The following MANSC1 variants were observed in gnomAD, a reference collection of about 807,000 sequenced individuals.
MANSC1 encodes the protein MANSC domain-containing protein 1.
A neutral mutation model predicts 14.1 loss-of-function variants in MANSC1; 13 were observed. That is an observed-to-expected ratio of 0.92 (90% CI 0.60 to 1.46). MANSC1 has a LOEUF of 1.46. Among genes scored for constraint, MANSC1 ranks in the 40% most tolerant of loss-of-function variants. The pLI, the probability that MANSC1 is intolerant of heterozygous loss-of-function variation, is 0.00. For synonymous variants in MANSC1, 227 were observed against 200.7 expected (o/e 1.13, Z -1.11); for missense variants, 486 against 511.4 (o/e 0.95, Z 0.48).
intron 1 of MANSC1, among the ~76,000 whole-genome samples, chr12:12,346,338 CAA>C (rs1863010299): frequency 6.6e-6 from 1 of 151,818 alleles, no homozygotes; most frequent in African/African-American, 2.4e-5. Context: ...ATCAAAAGCC[CAA>C]AGTTATTTTT....
Position 12,331,878 on chromosome 12 carries a change from T to C in MANSC1, c.365-920A>G, listed in dbSNP as rs769399491. Among the ~76,000 whole-genome samples the C allele has an allele frequency of 2.0e-5, 3 of 152,102 alleles. 1 individual carries two copies. Among genetic ancestry groups the C allele is most frequent in the Admixed American group, 2.0e-4 (3 of 15,272 alleles). ...AGATTTCATTTGGACTCTCAAAGAT[T>C]AGAATTTTGGAGCCAATGTCATAGG... On this transcript the variant is annotated intron_variant, in intron 3 of 3. Transcript: ENST00000535902.
chr12:12,343,467 G>C (rs951661121), intron 1 of MANSC1, 53 bp from the exon 2 acceptor site: 4 of 578,764 alleles, frequency 6.9e-6, no homozygotes, highest in African/African-American at 1.9e-5. Context: ...AACAAACAAG[G>C]GAAGAAACAT....
intron 3 of MANSC1, 111 bp from the exon 4 acceptor site, chr12:12,331,069 T>C (rs564108406): frequency 4.1e-6 from 3 of 736,914 alleles, no homozygotes; most frequent in Admixed American, 2.7e-5. Flanking sequence ...TGGTTGGCCA[T>C]GGTGGCTCAC....
Position 12,343,108 on chromosome 12 carries a change from T to G in MANSC1, c.207A>C (p.Ser69=). The G allele has an allele frequency of 6.8e-6, 11 of 1,613,396 alleles. No individual in the cohort carries two copies. Among genetic ancestry groups the G allele is most frequent in the Non-Finnish European group, 9.3e-6 (11 of 1,179,370 alleles). ...ACTATTTACCTGATATGTTTTTTGT[T>G]GAACAGCAAGAATTAATGCAGTCTT... The part of the protein sequence containing the change: ...TQEDCINSCC[S]TKNISGDKAC... Residue 69 remains serine, a synonymous_variant, in exon 2 of 4, where the codon TCA becomes TCC. Transcript: ENST00000535902.
chr12:12,331,583 G>A lies in MANSC1; in HGVS notation c.365-625C>T, dbSNP rs576272938. 4.6e-5 allele frequency among the ~76,000 whole-genome samples: 7 copies of A among 152,288 alleles called. No individual in the cohort carries two copies. The South Asian group carries it at 1.5e-3, about 32-fold the overall frequency. ...CTAAGACTGAGATGACAAATGGGGA[G>A]CAAGTAATCATCAGGAGAGATTTCA... On this transcript the variant is annotated intron_variant, in intron 3 of 3. Transcript: ENST00000535902.
rs1862730370 is a variant in MANSC1 at position 12,328,171 on chromosome 12, A to G, written c.*1856T>C. 1 of 152,216 alleles carries G rather than the reference A, an allele frequency of 6.6e-6. No individual in the cohort carries two copies. Among genetic ancestry groups the G allele is most frequent in the Non-Finnish European group, 1.5e-5 (1 of 68,042 alleles). The allele number at this position is 152,216 out of a possible 1,614,324, so 9.4% of individuals were successfully genotyped here. ...TGGACTCTTTGTTACCTCACCTATAACTTGTCTGGAAAACTTTATTAAAAG... is the reference window on the plus strand; with the variant it reads ...TGGACTCTTTGTTACCTCACCTATAGCTTGTCTGGAAAACTTTATTAAAAG... On this transcript the variant is annotated 3_prime_UTR_variant, in exon 4 of 4. Coordinates refer to ENST00000535902, the MANE Select transcript of MANSC1 (RefSeq NM_018050.4).
Position 12,330,283 on chromosome 12 carries a change from T to A in MANSC1, c.1040A>T (p.Glu347Val). ...NPTALSMSNV[E>V]SSTMNKTASW... ...AGCAGTTTTATTCATAGTGGAAGAC[T>A]CCACATTTGACATAGAAAGTGCAGT... Residue 347 changes from glutamate (E) to valine (V), a missense_variant, in exon 4 of 4, where the codon GAG becomes GTG. By Grantham distance (121) the Glu-to-Val change is moderately radical. Coordinates refer to ENST00000535902, the MANE Select transcript of MANSC1 (RefSeq NM_018050.4). 1 of 1,614,238 alleles carries A rather than the reference T, an allele frequency of 6.2e-7. No individual in the cohort carries two copies. The highest frequency in any genetic ancestry group is 1.3e-5 in the African/African-American group (1 of 75,064).
chr12:12,345,944 T>C (rs1204101836), intron 1 of MANSC1, among the ~76,000 whole-genome samples: 2 of 152,200 alleles, frequency 1.3e-5, no homozygotes, highest in East Asian at 1.9e-4. Flanking sequence ...AGATATAACA[T>C]GTTCATGGAT....
At chr12:12,335,543 G>A (rs1862847641) in intron 3 of MANSC1, among the ~76,000 whole-genome samples, 2 of 151,008 alleles carry the variant, frequency 1.3e-5, no homozygotes, top group South Asian at 2.1e-4. Context: ...GTTTCACCAT[G>A]TTGGCCAGGC....
chr12:12,337,886 G>A (rs1227267872), intron 3 of MANSC1, among the ~76,000 whole-genome samples: 1 of 152,088 alleles, frequency 6.6e-6, no homozygotes, highest in African/African-American at 2.4e-5. Context: ...ACAGAATCTG[G>A]CACATGGTAA....
At chr12:12,333,044 A>AAAATATATATAT (rs1555140486) in intron 3 of MANSC1, among the ~76,000 whole-genome samples, 2 of 148,454 alleles carry the variant, frequency 1.3e-5, no homozygotes, top group South Asian at 2.1e-4. Context: ...TATATTTGAA[A>AAAATATATATAT]ATATATATAT....
At chr12:12,347,511 C>T (rs1863024827) in intron 1 of MANSC1, among the ~76,000 whole-genome samples, 1 of 152,182 alleles carries the variant, frequency 6.6e-6, no homozygotes, top group South Asian at 2.1e-4. Flanking sequence ...GGTTGGGGAA[C>T]CCTGTGATAA....
intron 1 of MANSC1, among the ~76,000 whole-genome samples, chr12:12,349,558 C>A (rs935234377): frequency 6.6e-6 from 1 of 152,072 alleles, no homozygotes. Context: ...AGGATACAGG[C>A]GGGTGAGAGA....
At chr12:12,332,377 CT>C (rs1260476482) in intron 3 of MANSC1, among the ~76,000 whole-genome samples, 1 of 152,212 alleles carries the variant, frequency 6.6e-6, no homozygotes, top group Non-Finnish European at 1.5e-5. Context: ...AGCCTTACCC[CT>C]CTGAGAGGTT....
rs1862708598 is a variant in MANSC1 at position 12,326,655 on chromosome 12, T to G, written c.*3372A>C. ...TTTTTTTTTTGAGATGGGCTCTCGT[T>G]CTGTCGCCCAGGCTGGAGTGCAGTG... On this transcript the variant is annotated 3_prime_UTR_variant, in exon 4 of 4. Transcript: ENST00000535902. 2 of 151,332 alleles carry G rather than the reference T, an allele frequency of 1.3e-5. No homozygotes were observed. Among genetic ancestry groups the G allele is most frequent in the African/African-American group, 4.9e-5 (2 of 41,192 alleles). The allele number at this position is 151,332 out of a possible 1,614,324, so 9.4% of individuals were successfully genotyped here.
chr12:12,342,402 A>G (rs1185016158), intron 2 of MANSC1, among the ~76,000 whole-genome samples: 1 of 152,166 alleles, frequency 6.6e-6, no homozygotes, highest in African/African-American at 2.4e-5. Context: ...AAAAGGTTTT[A>G]CTAAAATACA....
At chr12:12,335,937 C>G (rs965256822) in intron 3 of MANSC1, among the ~76,000 whole-genome samples, 1 of 152,042 alleles carries the variant, frequency 6.6e-6, no homozygotes, top group Non-Finnish European at 1.5e-5. Context: ...AATCCCAGCA[C>G]TTTGAGAGGC....
Position 12,343,255 on chromosome 12 carries a change from T to G in MANSC1, c.60A>C (p.Thr20=), listed in dbSNP as rs143375534. 2.8e-5 allele frequency: 46 copies of G among 1,614,038 alleles called. No homozygotes were observed. In the African/African-American group the frequency reaches 6.0e-4, roughly 21 times the overall value. ...TYTLVIICFL[T]LRLSASQNCL... Reference sequence around the variant, plus strand: ...AATTCTGACTAGCAGACAGCCTTAGTGTCAGGAAGCAAATTATTACCAAAG... The same window carrying G: ...AATTCTGACTAGCAGACAGCCTTAGGGTCAGGAAGCAAATTATTACCAAAG... The change falls in exon 2 of 4, where the codon ACA becomes ACC. Residue 20 remains threonine, a synonymous_variant. Transcript: ENST00000535902.
At position 12,326,365 on chromosome 12, in the gene MANSC1, G is replaced by A. The variant is rs1031211717; in HGVS notation, c.*3662C>T. On this transcript the variant is annotated 3_prime_UTR_variant, in exon 4 of 4. Transcript: ENST00000535902. ...AATCTCTCCTAGAAGTCCCTAGTAG[G>A]TTTCCTTTCAGCTAAAACTTGGGTC... is the stretch of plus-strand genomic sequence containing the variant. 1 of 152,154 alleles carries A rather than the reference G, an allele frequency of 6.6e-6. No homozygotes were observed. Among genetic ancestry groups the A allele is most frequent in the Non-Finnish European group, 1.5e-5 (1 of 68,054 alleles). The allele number at this position is 152,154 out of a possible 1,614,324, so 9.4% of individuals were successfully genotyped here. A position where few individuals can be genotyped will look rare whatever the true frequency, so the allele number is the denominator to read the frequency against.
Sources: gnomAD v4.1 joint callset for allele counts (sites outside exome capture counted in the v4.1 genomes callset) on GRCh38, gnomAD v4.1.1 for gene constraint, MANE v1.5 for transcripts, NCBI Gene and HGNC (gene_info 2026-07-23, HGNC 2026-07-21) for gene names.